Variants in SORL1 observed in about 807,000 individuals in gnomAD.
SORL1 encodes the protein sortilin-related receptor.
SORL1 carries 127 observed loss-of-function variants against 273.7 expected under a neutral mutation model. The observed-to-expected ratio is 0.46, with a 90% CI of 0.40 to 0.54. The LOEUF (loss-of-function observed/expected upper bound fraction) is 0.54, where lower values mean the gene tolerates loss of function less well. SORL1 is among the 20% of genes least tolerant of loss of function. The probability of loss-of-function intolerance (pLI) is 0.00; values close to 1 mark genes in which losing one functional copy is unlikely to be tolerated. For missense variants in SORL1, 2,494 were observed against 2,846.1 expected (o/e 0.88, Z 2.81); for synonymous variants, 1,031 against 1,067.4 (o/e 0.97, Z 0.66).
At position 121,633,351 on chromosome 11, in the gene SORL1, G is replaced by C. The variant is rs543253747; in HGVS notation, c.*3788G>C. On this transcript the variant is annotated 3_prime_UTR_variant, in exon 48 of 48. Transcript: ENST00000260197. The stretch of plus-strand genomic sequence containing the variant: ...GTAATAGCTCAAATGGAATAAGCAT[G>C]AATGCTGGAGTGGACCATTATCCTC... 1 of 152,316 alleles carries C rather than the reference G, an allele frequency of 6.6e-6. No homozygotes were observed. Among genetic ancestry groups the C allele is most frequent in the Non-Finnish European group, 1.5e-5 (1 of 68,026 alleles). 9.4% of individuals were successfully genotyped at this position (152,316 alleles called of 1,614,324 possible).
In SORL1 at chr11:121,590,097, G is replaced by A. The variant is rs148551848; in HGVS notation, c.4136G>A (p.Gly1379Asp). The part of the protein sequence containing the change: ...SRYFQFRCEN[G>D]HCIPNRWKCD... ...TACTTCCAGTTTCGGTGTGAGAATG[G>A]CCACTGCATCCCCAACAGATGGAAA... The change falls in exon 30 of 48, where the codon GGC (glycine) becomes GAC (aspartate). Residue 1379 changes from glycine (G) to aspartate (D), a missense_variant. Transcript: ENST00000260197. 9.4e-5 allele frequency: 152 copies of A among 1,614,158 alleles called. 1 individual carries two copies. The African/African-American group carries it at 1.3e-3, about 13-fold the overall frequency.
intron 45 of SORL1, 95 bp downstream of exon 45, chr11:121,622,363 T>TTA (rs1555092137): frequency 2.4e-6 from 1 of 422,112 alleles, no homozygotes; most frequent in East Asian, 4.0e-5. Flanking sequence ...ATAGATAGTG[T>TTA]AAAAAAAAAG....
intron 34 of SORL1, 65 bp downstream of exon 34, chr11:121,605,304 ACT>A: frequency 6.3e-7 from 1 of 1,582,936 alleles, no homozygotes; most frequent in Non-Finnish European, 8.6e-7. Flanking sequence ...TGTTCTGTAA[ACT>A]CTCTAGTGGC....
chr11:121,545,124 T>C (rs776398210), intron 13 of SORL1, 119 bp from the exon 14 acceptor site: 204 of 855,020 alleles, frequency 2.4e-4, no homozygotes, highest in Non-Finnish European at 3.5e-4. Flanking sequence ...GTCTGTGTGC[T>C]TGCGGGGTGG....
chr11:121,482,814 A>G (rs1401442331), intron 3 of SORL1, among the ~76,000 whole-genome samples: 1 of 152,264 alleles, frequency 6.6e-6, no homozygotes, highest in Non-Finnish European at 1.5e-5. Flanking sequence ...GTGGATGTCT[A>G]GGAGCATGAG....
chr11:121,625,045 A>T (rs749980768), intron 45 of SORL1, 40 bp from the exon 46 acceptor site: 1 of 1,460,348 alleles, frequency 6.8e-7, no homozygotes, highest in African/African-American at 1.4e-5. Context: ...GTCAGTTTCC[A>T]TATTCGACTT....
At chr11:121,468,840 T>A (rs1861128589) in intron 1 of SORL1, among the ~76,000 whole-genome samples, 1 of 152,204 alleles carries the variant, frequency 6.6e-6, no homozygotes, top group African/African-American at 2.4e-5. Flanking sequence ...AACAGTGAAA[T>A]AAGAAAATAA....
At chr11:121,521,084 G>A (rs1862036169) in intron 9 of SORL1, among the ~76,000 whole-genome samples, 1 of 149,840 alleles carries the variant, frequency 6.7e-6, no homozygotes, top group Non-Finnish European at 1.5e-5. Flanking sequence ...AAAAAAAGTA[G>A]TATTCGTTTT....
intron 12 of SORL1, among the ~76,000 whole-genome samples, chr11:121,542,853 C>T (rs559530548): frequency 5.4e-5 from 8 of 148,626 alleles, no homozygotes; most frequent in Non-Finnish European, 1.2e-4. Context: ...TTGTTGTGTC[C>T]AACCCTTATT....
intron 16 of SORL1, among the ~76,000 whole-genome samples, chr11:121,552,496 G>A (rs958235870): frequency 6.6e-6 from 1 of 152,220 alleles, no homozygotes; most frequent in African/African-American, 2.4e-5. Flanking sequence ...TATAGATGCT[G>A]GAGAGAGATG....
At chr11:121,490,193 TC>T in intron 5 of SORL1, 83 bp downstream of exon 5, 1 of 885,962 alleles carries the variant, frequency 1.1e-6, no homozygotes. Flanking sequence ...CAAACTGCCC[TC>T]CCCTGAAATG....
At chr11:121,574,434 C>T (rs1046957818) in intron 24 of SORL1, 71 bp downstream of exon 24, 1 of 1,386,876 alleles carries the variant, frequency 7.2e-7, no homozygotes, top group Middle Eastern at 2.0e-4. Flanking sequence ...CAGGGCTGTA[C>T]TGGTATGTAC....
At chr11:121,605,706 A>T (rs1863459823) in intron 35 of SORL1, 135 bp downstream of exon 35, 1 of 699,828 alleles carries the variant, frequency 1.4e-6, no homozygotes, top group Admixed American at 2.5e-5. Context: ...GCTAAGCTTT[A>T]TAGTCTTGCC....
intron 22 of SORL1, among the ~76,000 whole-genome samples, chr11:121,569,868 G>A (rs905259779): frequency 1.1e-4 from 16 of 152,140 alleles, no homozygotes; most frequent in Middle Eastern, 3.4e-3. Context: ...GTGGTTTTAC[G>A]GCTCAGGGGG....
chr11:121,604,297 G>A lies in SORL1; in HGVS notation c.4624G>A (p.Asp1542Asn). ...CTGCGACGGCTTCCTGGACTGCTCG[G>A]ACGAGAGCGATGAAAAGGCCTGCAG... is the stretch of plus-strand genomic sequence containing the variant. ...ERCDGFLDCS[D>N]ESDEKACSDE... Residue 1542 changes from aspartate to asparagine, a missense_variant, in exon 33 of 48, where the codon GAC becomes AAC. Asp to Asn is a conservative substitution (Grantham distance 23). Coordinates refer to ENST00000260197, the MANE Select transcript of SORL1 (RefSeq NM_003105.6). The A allele has an allele frequency of 6.2e-7, 1 of 1,613,894 alleles. No homozygotes were observed. Among genetic ancestry groups the A allele is most frequent in the Non-Finnish European group, 8.5e-7 (1 of 1,179,972 alleles).
chr11:121,498,309 C>G (rs893516365), intron 6 of SORL1, among the ~76,000 whole-genome samples: 4 of 152,042 alleles, frequency 2.6e-5, no homozygotes, highest in African/African-American at 9.7e-5. Flanking sequence ...GAAATCAGGC[C>G]CAAGCACTGG....
chr11:121,569,538 C>G (rs1385920076), intron 22 of SORL1, among the ~76,000 whole-genome samples: 1 of 152,128 alleles, frequency 6.6e-6, no homozygotes. Flanking sequence ...CTTTTATGGT[C>G]GAAGCTGTAG....
chr11:121,557,175 C>T lies in SORL1; in HGVS notation c.2572-139C>T, dbSNP rs141556472. 1.3e-3 allele frequency: 885 copies of T among 692,114 alleles called. 5 individuals carry two copies. In the African/African-American group the frequency reaches 0.014, roughly 11 times the overall value. 42.9% of individuals were successfully genotyped at this position (692,114 alleles called of 1,614,324 possible). A position where few individuals can be genotyped will look rare whatever the true frequency, so the allele number is the denominator to read the frequency against. ...TGTGACTAGAAGTTGGGGCAGGTTTCGCAGATGGGTCAGGTCAGGGAAATA... is the reference window on the plus strand; with the variant it reads ...TGTGACTAGAAGTTGGGGCAGGTTTTGCAGATGGGTCAGGTCAGGGAAATA... On this transcript the variant is annotated intron_variant, in intron 18 of 47. Transcript: ENST00000260197.
intron 34 of SORL1, 29 bp downstream of exon 34, chr11:121,605,268 A>C: frequency 3.1e-6 from 5 of 1,601,020 alleles, no homozygotes; most frequent in Non-Finnish European, 4.3e-6. Context: ...ATGGGAGATG[A>C]AAATGATGTC....
Sources: gnomAD v4.1 joint callset for allele counts (sites outside exome capture counted in the v4.1 genomes callset) on GRCh38, gnomAD v4.1.1 for gene constraint, MANE v1.5 for transcripts, NCBI Gene and HGNC (gene_info 2026-07-23, HGNC 2026-07-21) for gene names.